NXPE2: variants seen among roughly 807,000 people sequenced by gnomAD.
The protein encoded by NXPE2 is neurexophilin and PC-esterase domain family member 2, also known as NXPE family member 2.
A neutral mutation model predicts 34.4 loss-of-function variants in NXPE2; 34 were observed. The observed-to-expected ratio is 0.99, with a 90% confidence interval of 0.75 to 1.31. NXPE2 has a LOEUF of 1.31. NXPE2 is among the 40% of genes most tolerant of loss of function. The pLI is 0.00. For missense variants in NXPE2, 649 were observed against 672.5 expected, an observed-to-expected ratio of 0.97 and a Z score of 0.39; for synonymous variants, 235 against 231.3, an observed-to-expected ratio of 1.02 and a Z score of -0.15.
chr11:114,699,641 G>A (rs1951327523), intron 3 of NXPE2, among the ~76,000 whole-genome samples: 1 of 151,772 alleles, frequency 6.6e-6, no homozygotes, highest in Non-Finnish European at 1.5e-5. Context: ...CCATCTCCCT[G>A]AGTGAAGTTC....
At chr11:114,779,173 A>G in the NXPE2 span, among the ~76,000 whole-genome samples, 1 of 152,210 alleles carries the variant, frequency 6.6e-6, no homozygotes. Flanking sequence ...CTCTGTGGAT[A>G]TAAGAAACTT....
chr11:114,689,530 C>A (rs572911868), intron 2 of NXPE2, among the ~76,000 whole-genome samples: 6 of 152,066 alleles, frequency 3.9e-5, no homozygotes, highest in Admixed American at 3.9e-4. Context: ...CAATATGTTT[C>A]ATGTGCAGAT....
downstream of NXPE2, among the ~76,000 whole-genome samples, chr11:114,711,367 A>G (rs536244761): frequency 6.6e-6 from 1 of 152,278 alleles, no homozygotes; most frequent in Admixed American, 6.5e-5. Flanking sequence ...TCTTATATTT[A>G]GAAAATCTTA....
chr11:114,679,701 T>G lies in NXPE2; in HGVS notation c.71T>G (p.Leu24Arg), dbSNP rs953747278. Residue 24 changes from leucine (L) to arginine (R), a missense_variant, in exon 2 of 6, where the codon CTG becomes CGG. Coordinates refer to ENST00000389586, the MANE Select transcript of NXPE2 (RefSeq NM_182495.6). ...AATGCCATAGCTCGAAAATTACTGC[T>G]GATGTTGACATTTATCTTAATTTTC... ...FPNAIARKLL[L>R]MLTFILIFWI... is the part of the protein sequence containing the mutation. 1.0e-5 allele frequency: 16 copies of G among 1,550,554 alleles called. No individual in the cohort carries two copies. The highest frequency in any genetic ancestry group is 1.3e-5 in the Non-Finnish European group (15 of 1,146,204).
the NXPE2 span, among the ~76,000 whole-genome samples, chr11:114,770,082 C>T: frequency 2.8e-4 from 43 of 152,342 alleles, no homozygotes; most frequent in African/African-American, 1.0e-3. Flanking sequence ...TAGCATAAGG[C>T]TCACTGAGTA....
chr11:114,635,962 G>A, the NXPE2 span, among the ~76,000 whole-genome samples: 1 of 152,034 alleles, frequency 6.6e-6, no homozygotes, highest in South Asian at 2.1e-4. Flanking sequence ...TTTGGTATCA[G>A]GATGATGCTG....
chr11:114,645,117 C>CA, the NXPE2 span, among the ~76,000 whole-genome samples: 1 of 151,842 alleles, frequency 6.6e-6, no homozygotes, highest in Non-Finnish European at 1.5e-5. Context: ...GCCTGGCCAA[C>CA]ATGGTGAAAC....
chr11:114,510,075 T>C, the NXPE2 span, among the ~76,000 whole-genome samples: 1 of 152,110 alleles, frequency 6.6e-6, no homozygotes, highest in Non-Finnish European at 1.5e-5. Context: ...AACTCTGTAG[T>C]TACAAAAAAC....
At chr11:114,693,089 G>T (rs537531802) in intron 2 of NXPE2, among the ~76,000 whole-genome samples, 5 of 151,972 alleles carry the variant, frequency 3.3e-5, no homozygotes, top group Non-Finnish European at 5.9e-5. Context: ...ATTATATACC[G>T]AATCTTATCC....
At chr11:114,668,432 T>C in the NXPE2 span, among the ~76,000 whole-genome samples, 7 of 151,846 alleles carry the variant, frequency 4.6e-5, no homozygotes, top group Admixed American at 2.0e-4. Context: ...AGTAGATAAC[T>C]AATACACAGA....
At chr11:114,546,061 T>TTTTAACTGTATTACAAA in the NXPE2 span, among the ~76,000 whole-genome samples, 1 of 152,194 alleles carries the variant, frequency 6.6e-6, no homozygotes, top group Non-Finnish European at 1.5e-5. Flanking sequence ...GAACACAGTG[T>TTTTAACTGTATTACAAA]TTTAACTGTA....
At chr11:114,739,341 CCCCTTCCT>C in the NXPE2 span, among the ~76,000 whole-genome samples, 2 of 31,144 alleles carry the variant, frequency 6.4e-5, no homozygotes, top group East Asian at 2.8e-3. Flanking sequence ...CCTTCCTTCC[CCCCTTCCT>C]CTCTCCCTCC....
At chr11:114,621,368 T>C in the NXPE2 span, among the ~76,000 whole-genome samples, 4 of 152,184 alleles carry the variant, frequency 2.6e-5, no homozygotes, top group African/African-American at 9.6e-5. Context: ...TACTGTTATC[T>C]GCTGCATAAT....
chr11:114,637,798 C>G, the NXPE2 span, among the ~76,000 whole-genome samples: 6 of 152,128 alleles, frequency 3.9e-5, no homozygotes, highest in East Asian at 1.2e-3. Flanking sequence ...GGCCCCCACT[C>G]TCTTCTGGCT....
At chr11:114,578,089 G>C in the NXPE2 span, among the ~76,000 whole-genome samples, 1 of 152,152 alleles carries the variant, frequency 6.6e-6, no homozygotes, top group Non-Finnish European at 1.5e-5. Context: ...CTGCTTTGTA[G>C]TTAGAACTTT....
At chr11:114,688,234 C>T (rs11215152) in intron 2 of NXPE2, among the ~76,000 whole-genome samples, 36,618 of 151,762 alleles carry the variant, frequency 0.24, 4,574 homozygotes, top group East Asian at 0.42. Context: ...CATAGATAGC[C>T]GTGATTATTT....
chr11:114,743,047 T>C, the NXPE2 span, among the ~76,000 whole-genome samples: 2 of 125,590 alleles, frequency 1.6e-5, no homozygotes. Flanking sequence ...GGATTAACTG[T>C]TTTGTCTTAG....
At chr11:114,527,781 G>T in the NXPE2 span, 2 of 1,180,314 alleles carry the variant, frequency 1.7e-6, no homozygotes, top group Non-Finnish European at 2.4e-6. Flanking sequence ...AATTATTTAG[G>T]TTAATGCTGA....
chr11:114,776,856 T>C, the NXPE2 span, among the ~76,000 whole-genome samples: 1 of 152,204 alleles, frequency 6.6e-6, no homozygotes, highest in Non-Finnish European at 1.5e-5. Context: ...TCAGTAGTTT[T>C]TCATGGTACC....
Sources: allele counts gnomAD v4.1 joint callset (sites outside exome capture counted in the v4.1 genomes callset), GRCh38; gene constraint gnomAD v4.1.1; transcripts MANE v1.5; gene names NCBI Gene and HGNC (gene_info 2026-07-23, HGNC 2026-07-21).